Variants in DPYD observed in about 807,000 individuals in gnomAD.
DPYD encodes the protein dihydropyrimidine dehydrogenase, also known as dihydropyrimidine dehydrogenase [NADP(+)].
DPYD carries 109 observed loss-of-function variants against 116.2 expected under a neutral mutation model. The ratio of observed to expected loss-of-function variants is 0.94; its 90% CI spans 0.80 to 1.10. The LOEUF is 1.10. Ranked by LOEUF, DPYD falls within the 50% of genes least tolerant of loss-of-function variation. The probability of loss-of-function intolerance (pLI) is 0.00; values close to 1 mark genes in which losing one functional copy is unlikely to be tolerated. For missense variants in DPYD, 1,302 were observed against 1,254.5 expected, an observed-to-expected ratio of 1.04 and a Z score of -0.57; for synonymous variants, 440 against 432.0, an observed-to-expected ratio of 1.02 and a Z score of -0.23.
chr1:97,555,341 T>C (rs1435146330), intron 11 of DPYD, among the ~76,000 whole-genome samples: 1 of 152,124 alleles, frequency 6.6e-6, no homozygotes, highest in Non-Finnish European at 1.5e-5. Flanking sequence ...TTCATCTCTA[T>C]AAAGATGGCC....
chr1:97,448,627 T>G (rs1358774309), intron 14 of DPYD, among the ~76,000 whole-genome samples: 1 of 151,822 alleles, frequency 6.6e-6, no homozygotes, highest in Non-Finnish European at 1.5e-5. Context: ...TTTTTTTTTT[T>G]TTTAGTCCTT....
At chr1:97,235,083 A>T in intron 18 of DPYD, 89 bp from the exon 19 acceptor site, 1 of 1,507,722 alleles carries the variant, frequency 6.6e-7, no homozygotes, top group South Asian at 1.1e-5. Context: ...ATGTGATGAC[A>T]GCGTCACTGG....
chr1:97,784,406 T>C (rs762211559), intron 3 of DPYD, among the ~76,000 whole-genome samples: 7 of 152,138 alleles, frequency 4.6e-5, no homozygotes, highest in Non-Finnish European at 7.4e-5. Context: ...ATGAAGTAGA[T>C]CTCTAGATGA....
intron 16 of DPYD, among the ~76,000 whole-genome samples, chr1:97,309,802 G>A (rs757259435): frequency 2.0e-5 from 3 of 151,736 alleles, no homozygotes; most frequent in Non-Finnish European, 4.4e-5. Flanking sequence ...TGTTTTTAAA[G>A]CTTAATTTCT....
Position 97,360,705 on chromosome 1 carries a change from C to T in DPYD, c.2058+12856G>A, listed in dbSNP as rs191295361. ...TGAACAACATGCTCCTGAACGACTA[C>T]TGGGTAAATAACGAAATTAAGGCAG... On this transcript the variant is annotated intron_variant, in intron 16 of 22. Transcript: ENST00000370192. 2.6e-3 allele frequency among the ~76,000 whole-genome samples: 397 copies of T among 152,316 alleles called. 1 individual carries two copies. Among genetic ancestry groups the T allele is most frequent in the African/African-American group, 9.1e-3 (377 of 41,562 alleles).
intron 13 of DPYD, among the ~76,000 whole-genome samples, chr1:97,475,065 G>A (rs2101864021): frequency 6.6e-6 from 1 of 152,210 alleles, no homozygotes; most frequent in Admixed American, 6.5e-5. Flanking sequence ...TAAACAGTAT[G>A]GTTATGTTAC....
chr1:97,887,171 ACAT>A (rs572311009), intron 1 of DPYD, among the ~76,000 whole-genome samples: 68 of 152,112 alleles, frequency 4.5e-4, no homozygotes, highest in African/African-American at 1.6e-3. Context: ...AGGAAAATGT[ACAT>A]CCCTAAATAG....
chr1:97,082,565 G>A (rs1397597647), intron 21 of DPYD, 95 bp from the exon 22 acceptor site: 1 of 1,426,220 alleles, frequency 7.0e-7, no homozygotes, highest in Non-Finnish European at 9.8e-7. Flanking sequence ...TTTATACAAT[G>A]TTGCATTATA....
At chr1:97,186,812 C>T (rs1177611905) in intron 20 of DPYD, among the ~76,000 whole-genome samples, 1 of 152,074 alleles carries the variant, frequency 6.6e-6, no homozygotes, top group South Asian at 2.1e-4. Context: ...CGTGCCACTG[C>T]ACTCCAGCCT....
intron 12 of DPYD, among the ~76,000 whole-genome samples, chr1:97,549,242 T>A (rs1651134726): frequency 6.6e-6 from 1 of 152,008 alleles, no homozygotes; most frequent in Non-Finnish European, 1.5e-5. Flanking sequence ...AATTTTTTAT[T>A]TTTTGTAGAG....
intron 11 of DPYD, among the ~76,000 whole-genome samples, chr1:97,556,455 C>T (rs1299181000): frequency 6.8e-6 from 1 of 147,118 alleles, no homozygotes; most frequent in Non-Finnish European, 1.5e-5. Flanking sequence ...GCTGCACCCA[C>T]TAACTCGTCA....
At chr1:97,472,313 G>C (rs1029340819) in intron 13 of DPYD, among the ~76,000 whole-genome samples, 1 of 152,192 alleles carries the variant, frequency 6.6e-6, no homozygotes, top group Non-Finnish European at 1.5e-5. Flanking sequence ...CTCCTTTTCT[G>C]AGAATTGCCT....
chr1:97,155,683 C>T (rs967277741), intron 20 of DPYD, among the ~76,000 whole-genome samples: 1 of 152,080 alleles, frequency 6.6e-6, no homozygotes, highest in Non-Finnish European at 1.5e-5. Flanking sequence ...AGTTTCATTT[C>T]ATTTCTTCTT....
chr1:97,877,314 C>A (rs1019200238), intron 2 of DPYD, among the ~76,000 whole-genome samples: 1 of 151,958 alleles, frequency 6.6e-6, no homozygotes, highest in Non-Finnish European at 1.5e-5. Context: ...ACAGCCCACA[C>A]TTGCCACCAA....
intron 2 of DPYD, among the ~76,000 whole-genome samples, chr1:97,844,867 C>G (rs1003837715): frequency 1.4e-4 from 22 of 152,228 alleles, no homozygotes; most frequent in Non-Finnish European, 4.4e-5. Context: ...TGGTCTCTCC[C>G]CACCCAGGCA....
intron 13 of DPYD, among the ~76,000 whole-genome samples, chr1:97,508,422 A>G (rs1647520989): frequency 6.6e-6 from 1 of 152,040 alleles, no homozygotes; most frequent in Admixed American, 6.6e-5. Context: ...CTGGCAAAAA[A>G]TTGGCTTCTG....
intron 16 of DPYD, among the ~76,000 whole-genome samples, chr1:97,370,831 A>G (rs368594182): frequency 1.6e-4 from 24 of 152,276 alleles, no homozygotes; most frequent in African/African-American, 4.8e-4. Flanking sequence ...GATGGAATGA[A>G]TACATGAGAC....
intron 5 of DPYD, among the ~76,000 whole-genome samples, chr1:97,711,562 T>C (rs1662285600): frequency 1.3e-5 from 2 of 151,966 alleles, no homozygotes; most frequent in Admixed American, 6.6e-5. Context: ...TGTTTTTTAG[T>C]ACATGGTCAG....
intron 8 of DPYD, among the ~76,000 whole-genome samples, chr1:97,629,998 C>T (rs1657157631): frequency 6.6e-6 from 1 of 151,868 alleles, no homozygotes; most frequent in Non-Finnish European, 1.5e-5. Context: ...TCCACTCAGT[C>T]TTATTGTCTG....
Sources: allele counts gnomAD v4.1 joint callset (sites outside exome capture counted in the v4.1 genomes callset), GRCh38; gene constraint gnomAD v4.1.1; transcripts MANE v1.5; gene names NCBI Gene and HGNC (gene_info 2026-07-23, HGNC 2026-07-21).